The following NKAIN3 variants were observed in gnomAD, a reference collection of about 807,000 sequenced individuals.
NKAIN3 encodes sodium/potassium-transporting ATPase subunit beta-1-interacting protein 3.
NKAIN3 carries 25 observed loss-of-function variants against 30.2 expected under a neutral mutation model. That is an observed-to-expected ratio of 0.83 (90% CI 0.60 to 1.16). NKAIN3 has a LOEUF of 1.16. NKAIN3 is among the 50% of genes most tolerant of loss of function. NKAIN3 has a pLI of 0.00. For missense variants in NKAIN3, 225 were observed against 254.1 expected, an observed-to-expected ratio of 0.89 and a Z score of 0.78; for synonymous variants, 91 against 89.6, an observed-to-expected ratio of 1.02 and a Z score of -0.09.
chr8:62,655,768 G>A (rs1483066992), intron 3 of NKAIN3, among the ~76,000 whole-genome samples: 1 of 152,040 alleles, frequency 6.6e-6, no homozygotes, highest in East Asian at 1.9e-4. Flanking sequence ...TGGAATTCAG[G>A]AAGGGGATGA....
chr8:62,860,690 G>A (rs968705235), intron 4 of NKAIN3, among the ~76,000 whole-genome samples: 2 of 152,214 alleles, frequency 1.3e-5, no homozygotes, highest in African/African-American at 4.8e-5. Flanking sequence ...ATGCAATGCT[G>A]TCAGATGAAT....
chr8:62,461,476 G>A (rs1805999182), intron 1 of NKAIN3, among the ~76,000 whole-genome samples: 1 of 152,106 alleles, frequency 6.6e-6, no homozygotes, highest in Admixed American at 6.5e-5. Context: ...GCAATCAATA[G>A]CAACTATTTC....
intron 1 of NKAIN3, among the ~76,000 whole-genome samples, chr8:62,572,861 G>A (rs1278187580): frequency 6.6e-6 from 1 of 152,164 alleles, no homozygotes; most frequent in Non-Finnish European, 1.5e-5. Context: ...TGAGATTTGG[G>A]TATGGACACA....
At chr8:62,398,018 G>A (rs553180937) in intron 1 of NKAIN3, among the ~76,000 whole-genome samples, 66 of 152,264 alleles carry the variant, frequency 4.3e-4, no homozygotes, top group African/African-American at 1.4e-3. Context: ...TAACTTAAGG[G>A]TAAAACTGGT....
In NKAIN3 at chr8:62,490,630, T is replaced by C. The variant is rs530534179; in HGVS notation, c.55-88909T>C. ...CAGAAATGCAGGAATATATGTTTAC[T>C]TACAAGAAAACAGAAATTCATGAAT... On this transcript the variant is annotated intron_variant, in intron 1 of 6. Coordinates refer to ENST00000623646, the MANE Select transcript of NKAIN3 (RefSeq NM_001304533.3). 7.2e-5 allele frequency among the ~76,000 whole-genome samples: 11 copies of C among 152,288 alleles called. No homozygotes were observed. In the South Asian group the frequency reaches 2.3e-3, roughly 32 times the overall value.
At chr8:62,572,453 G>A (rs750549279) in intron 1 of NKAIN3, among the ~76,000 whole-genome samples, 2 of 152,094 alleles carry the variant, frequency 1.3e-5, no homozygotes, top group Non-Finnish European at 2.9e-5. Context: ...TCCAACCTCT[G>A]CCTGTTACCT....
chr8:62,962,595 A>G (rs1823599242), intron 6 of NKAIN3, among the ~76,000 whole-genome samples: 1 of 152,186 alleles, frequency 6.6e-6, no homozygotes, highest in Non-Finnish European at 1.5e-5. Context: ...ATTTAACAGC[A>G]TTGTTGGCCT....
chr8:62,998,273 T>TC (rs1468436021), intron 5 of NKAIN3, among the ~76,000 whole-genome samples: 5 of 149,820 alleles, frequency 3.3e-5, no homozygotes, highest in African/African-American at 1.3e-4. Context: ...TCTCTCTCTC[T>TC]TTTTTTTTCC....
At chr8:62,533,979 T>C (rs1808566445) in intron 1 of NKAIN3, among the ~76,000 whole-genome samples, 1 of 152,146 alleles carries the variant, frequency 6.6e-6, no homozygotes, top group Non-Finnish European at 1.5e-5. Flanking sequence ...TGCAAGTCCC[T>C]TTCTGTGATT....
chr8:62,259,919 G>C (rs1812381935), intron 1 of NKAIN3, among the ~76,000 whole-genome samples: 1 of 152,036 alleles, frequency 6.6e-6, no homozygotes, highest in Non-Finnish European at 1.5e-5. Flanking sequence ...TACTGACAAG[G>C]GCTCTAATTG....
intron 1 of NKAIN3, among the ~76,000 whole-genome samples, chr8:62,331,445 G>C (rs893422424): frequency 2.0e-5 from 3 of 152,024 alleles, no homozygotes; most frequent in African/African-American, 7.2e-5. Context: ...TGAAGGCAGG[G>C]ACCACACCTC....
intron 3 of NKAIN3, among the ~76,000 whole-genome samples, chr8:62,720,099 G>A (rs914158512): frequency 1.3e-5 from 2 of 151,984 alleles, no homozygotes; most frequent in Non-Finnish European, 2.9e-5. Context: ...TTCAGATATA[G>A]ACACTAAACA....
intron 3 of NKAIN3, among the ~76,000 whole-genome samples, chr8:62,639,649 A>C (rs1277432927): frequency 6.6e-6 from 1 of 152,142 alleles, no homozygotes; most frequent in Non-Finnish European, 1.5e-5. Context: ...AAGAGAGGGG[A>C]AATCATAAAA....
rs116497213 is a variant in NKAIN3, at chr8:62,551,762, G to A, written c.55-27777G>A. 4.1e-3 allele frequency among the ~76,000 whole-genome samples: 631 copies of A among 152,298 alleles called. 3 individuals carry two copies. The highest frequency in any genetic ancestry group is 0.014 in the African/African-American group (590 of 41,556). On this transcript the variant is annotated intron_variant, in intron 1 of 6. Coordinates refer to ENST00000623646, the MANE Select transcript of NKAIN3 (RefSeq NM_001304533.3). ...AATTTTAGATGCAGGACTCAGGTGG[G>A]AAATATGCAAAACATCTTATTCTTG...
chr8:62,317,687 C>G (rs991789896), intron 1 of NKAIN3, among the ~76,000 whole-genome samples: 2 of 152,036 alleles, frequency 1.3e-5, no homozygotes, highest in African/African-American at 2.4e-5. Flanking sequence ...AGCCTTGTAA[C>G]ATAGTTTGAA....
chr8:62,963,049 G>A (rs557188978), intron 6 of NKAIN3, among the ~76,000 whole-genome samples: 3 of 152,006 alleles, frequency 2.0e-5, no homozygotes, highest in South Asian at 4.2e-4. Flanking sequence ...CTGCTACCAC[G>A]CCTGGCTAAT....
intron 5 of NKAIN3, among the ~76,000 whole-genome samples, chr8:62,946,721 T>C (rs1823135090): frequency 6.6e-6 from 1 of 152,162 alleles, no homozygotes. Flanking sequence ...CTTGGCAACT[T>C]GTAAAATAAA....
At chr8:62,800,765 C>G (rs903929593) in intron 4 of NKAIN3, among the ~76,000 whole-genome samples, 6 of 152,144 alleles carry the variant, frequency 3.9e-5, no homozygotes, top group Non-Finnish European at 8.8e-5. Flanking sequence ...ACAGTGGGTG[C>G]AGGTCAGTAG....
At chr8:62,358,961 C>G (rs1020863272) in intron 1 of NKAIN3, among the ~76,000 whole-genome samples, 1 of 152,132 alleles carries the variant, frequency 6.6e-6, no homozygotes, top group Admixed American at 6.6e-5. Context: ...GTGGGTGGAT[C>G]ACGAGGTCAG....
Sources: allele counts gnomAD v4.1 joint callset (sites outside exome capture counted in the v4.1 genomes callset), GRCh38; gene constraint gnomAD v4.1.1; transcripts MANE v1.5; gene names NCBI Gene and HGNC (gene_info 2026-07-23, HGNC 2026-07-21).